Variants in GAPVD1 observed in about 807,000 individuals in gnomAD.
GAPVD1 encodes GTPase activating protein and VPS9 domains 1.
In GAPVD1, 35 loss-of-function variants were observed where a neutral mutation model predicts 155.5. The observed-to-expected ratio is 0.23, with a 90% confidence interval of 0.17 to 0.30. The LOEUF is 0.30. Among genes scored for constraint, GAPVD1 ranks in the 10% least tolerant of loss-of-function variants. The probability of loss-of-function intolerance (pLI) is 1.00; values close to 1 mark genes in which losing one functional copy is unlikely to be tolerated. For missense variants in GAPVD1, 1,429 were observed against 1,775.7 expected, an observed-to-expected ratio of 0.80 and a Z score of 3.51; for synonymous variants, 636 against 619.7, an observed-to-expected ratio of 1.03 and a Z score of -0.39.
chr9:125,283,464 TC>T (rs1394546486), intron 2 of GAPVD1, among the ~76,000 whole-genome samples: 1 of 152,106 alleles, frequency 6.6e-6, no homozygotes, highest in African/African-American at 2.4e-5. Context: ...GCTCAAGTGA[TC>T]CTCTGCCTTC....
chr9:125,326,673 C>T, intron 12 of GAPVD1, 84 bp downstream of exon 12: 1 of 910,826 alleles, frequency 1.1e-6, no homozygotes, highest in Non-Finnish European at 1.8e-6. Flanking sequence ...CACCAGTGCC[C>T]TGACAAACAT....
At chr9:125,297,441 G>A (rs770219459) in intron 3 of GAPVD1, among the ~76,000 whole-genome samples, 6 of 152,202 alleles carry the variant, frequency 3.9e-5, no homozygotes, top group Non-Finnish European at 8.8e-5. Context: ...GGAGTTGTCT[G>A]AGAAGGCCTT....
chr9:125,338,963 A>G lies in GAPVD1; in HGVS notation c.2877+1372A>G, dbSNP rs535910967. Among the ~76,000 whole-genome samples the G allele has an allele frequency of 9.6e-3, 1,289 of 133,616 alleles. 21 individuals carry two copies. The highest frequency in any genetic ancestry group is 0.018 in the African/African-American group (659 of 35,716). The allele number at this position is 133,616 out of a possible 152,430, so 87.7% of individuals were successfully genotyped here. A position where few individuals can be genotyped will look rare whatever the true frequency, so the allele number is the denominator to read the frequency against. ...TGTGTGTGTGTGTGTGTGTGTATAT[A>G]TATTTTTTGTTGTTGTTGTGGTTTG... On this transcript the variant is annotated intron_variant, in intron 17 of 27. Transcript: ENST00000297933.
At position 125,325,375 on chromosome 9, in the gene GAPVD1, A is replaced by T. The variant is rs1392199936; in HGVS notation, c.1859-1041A>T. 1.5e-4 allele frequency among the ~76,000 whole-genome samples: 22 copies of T among 151,662 alleles called. 1 individual carries two copies. On this transcript the variant is annotated intron_variant, in intron 11 of 27. Coordinates refer to ENST00000297933, the MANE Select transcript of GAPVD1 (RefSeq NM_001282680.3). Reference sequence around the variant, plus strand: ...GTCTCTACTAAAAATACAAAAAATTAGCTGGGCATGGTGGCAGGCGCTTGT... The same window carrying T: ...GTCTCTACTAAAAATACAAAAAATTTGCTGGGCATGGTGGCAGGCGCTTGT...
At chr9:125,330,313 T>A in intron 13 of GAPVD1, 95 bp downstream of exon 13, 1 of 790,482 alleles carries the variant, frequency 1.3e-6, no homozygotes, top group Non-Finnish European at 1.9e-6. Context: ...TTTTGTCAAA[T>A]ACACTTTTTT....
rs753434973 is a variant in GAPVD1, at chr9:125,312,577, C to A, written c.1567C>A (p.Pro523Thr). ...GTTGGTCATTTCCTTAGGTACAGGTCCCCAGCTTACTCCAGGGATGATGTC... is the reference window on the plus strand; with the variant it reads ...GTTGGTCATTTCCTTAGGTACAGGTACCCAGCTTACTCCAGGGATGATGTC... ...EVLVISLGTG[P>T]QLTPGMMSEN... Residue 523 changes from proline (P) to threonine (T), a missense_variant, in exon 9 of 28, where the codon CCC becomes ACC. Pro to Thr is a conservative substitution (Grantham distance 38). Coordinates refer to ENST00000297933, the MANE Select transcript of GAPVD1 (RefSeq NM_001282680.3). 1 of 1,597,352 alleles carries A rather than the reference C, an allele frequency of 6.3e-7. No individual in the cohort carries two copies. The highest frequency in any genetic ancestry group is 1.4e-5 in the African/African-American group (1 of 74,034).
intron 2 of GAPVD1, among the ~76,000 whole-genome samples, chr9:125,289,674 G>A (rs1015008346): frequency 3.9e-5 from 6 of 152,002 alleles, no homozygotes; most frequent in African/African-American, 7.2e-5. Context: ...TTTGAGATGC[G>A]TATTAGACAA....
intron 2 of GAPVD1, among the ~76,000 whole-genome samples, chr9:125,291,430 G>A (rs538316826): frequency 7.2e-4 from 110 of 152,280 alleles, no homozygotes; most frequent in Middle Eastern, 6.8e-3. Context: ...TCAAGGAAGT[G>A]ATTATAATGA....
chr9:125,262,375 C>G (rs554386630), intron 1 of GAPVD1, among the ~76,000 whole-genome samples: 1 of 152,164 alleles, frequency 6.6e-6, no homozygotes, highest in Admixed American at 6.6e-5. Context: ...GGAAGCTTGA[C>G]AAGCTGGACA....
At chr9:125,349,330 A>G in intron 20 of GAPVD1, 60 bp from the exon 21 acceptor site, 1 of 1,438,676 alleles carries the variant, frequency 7.0e-7, no homozygotes, top group African/African-American at 1.4e-5. Context: ...AATACCTACT[A>G]GTGCCATAAT....
rs1564427056 is a variant in GAPVD1, at chr9:125,337,331, A to G, written c.2617A>G (p.Asn873Asp). 1.2e-6 allele frequency: 2 copies of G among 1,614,212 alleles called. No individual in the cohort carries two copies. The highest frequency in any genetic ancestry group is 1.7e-6 in the Non-Finnish European group (2 of 1,180,048). The part of the protein sequence containing the change: ...AVGGNEARLP[N>D]FGSHVLTPAE... ...GGGAGGAAATGAGGCCAGGTTGCCA[A>G]ACTTTGGTTCCCATGTTTTAACTCC... The change falls in exon 17 of 28, where the codon AAC (asparagine) becomes GAC (aspartate). Residue 873 changes from asparagine (N) to aspartate (D), a missense_variant. Asn to Asp is a conservative substitution (Grantham distance 23, BLOSUM62 1). This residue lies in a region of GAPVD1 where 699 missense variants were observed against 826.0 expected (regional missense o/e 0.85). Transcript: ENST00000297933.
Position 125,365,815 on chromosome 9 carries a change from T to A in GAPVD1, c.*3069T>A, listed in dbSNP as rs563700382. 8.5e-5 allele frequency: 13 copies of A among 152,328 alleles called. No individual in the cohort carries two copies. Among genetic ancestry groups the A allele is most frequent in the African/African-American group, 2.6e-4 (11 of 41,562 alleles). 9.4% of individuals were successfully genotyped at this position (152,328 alleles called of 1,614,324 possible). On this transcript the variant is annotated 3_prime_UTR_variant, in exon 28 of 28. Coordinates refer to ENST00000297933, the MANE Select transcript of GAPVD1 (RefSeq NM_001282680.3). The stretch of plus-strand genomic sequence containing the variant: ...CACCACACCCAGCTAATTTTTGTAT[T>A]TTTTGTAGAGACAGGGTTTCGCCAT...
chr9:125,337,389 C>T lies in GAPVD1; in HGVS notation c.2675C>T (p.Ser892Phe). The T allele has an allele frequency of 6.2e-7, 1 of 1,614,142 alleles. No individual in the cohort carries two copies. The highest frequency in any genetic ancestry group is 8.5e-7 in the Non-Finnish European group (1 of 1,180,006). The change falls in exon 17 of 28, where the codon TCT becomes TTT. Residue 892 changes from serine to phenylalanine, a missense_variant. Transcript: ENST00000297933. ...AEMEAFKQRH[S>F]YPERLVRSRS... ...ATGGAGGCATTCAAGCAAAGGCATT[C>T]TTACCCTGAGAGACTAGTTCGAAGC...
intron 9 of GAPVD1, among the ~76,000 whole-genome samples, chr9:125,315,061 A>G (rs1045902761): frequency 6.6e-6 from 1 of 152,138 alleles, no homozygotes; most frequent in Admixed American, 6.6e-5. Flanking sequence ...TGCTGGGATT[A>G]CAGGTGTGAG....
At chr9:125,267,451 C>T (rs1205445529) in intron 1 of GAPVD1, among the ~76,000 whole-genome samples, 1 of 152,082 alleles carries the variant, frequency 6.6e-6, no homozygotes. Context: ...TGGAGTTTCA[C>T]TCTTGTTGCC....
chr9:125,350,451 C>T (rs750744204), intron 22 of GAPVD1, 47 bp downstream of exon 22: 1 of 1,195,472 alleles, frequency 8.4e-7, no homozygotes, highest in East Asian at 2.3e-5. Flanking sequence ...TTATGGGTTG[C>T]ACCATATGAA....
At chr9:125,352,863 T>G (rs1279591985) in intron 23 of GAPVD1, among the ~76,000 whole-genome samples, 3 of 152,114 alleles carry the variant, frequency 2.0e-5, no homozygotes, top group African/African-American at 7.2e-5. Flanking sequence ...TCCTAGCACT[T>G]TGGGAGGCCA....
At chr9:125,327,650 C>T (rs1341853823) in intron 12 of GAPVD1, among the ~76,000 whole-genome samples, 1 of 152,040 alleles carries the variant, frequency 6.6e-6, no homozygotes, top group Non-Finnish European at 1.5e-5. Context: ...ACTGCAGGTG[C>T]CCACCACCAC....
At chr9:125,340,091 G>C (rs1460891291) in intron 17 of GAPVD1, among the ~76,000 whole-genome samples, 8 of 152,202 alleles carry the variant, frequency 5.3e-5, no homozygotes, top group African/African-American at 1.9e-4. Flanking sequence ...TGCGATCTCG[G>C]GTCACCGCAA....
Sources: allele counts gnomAD v4.1 joint callset (sites outside exome capture counted in the v4.1 genomes callset), GRCh38; gene constraint gnomAD v4.1.1; regional missense constraint gnomAD v4.1.1; transcripts MANE v1.5; gene names NCBI Gene and HGNC (gene_info 2026-07-23, HGNC 2026-07-21).